The following FBXO11 variants were observed in gnomAD, a reference collection of about 807,000 sequenced individuals.
FBXO11 encodes the protein F-box only protein 11.
In FBXO11, 13 loss-of-function variants were observed where a neutral mutation model predicts 117.0. The observed-to-expected ratio is 0.11, with a 90% CI of 0.07 to 0.18. The LOEUF (loss-of-function observed/expected upper bound fraction) is 0.18. Ranked by LOEUF, FBXO11 falls within the 10% of genes least tolerant of loss-of-function variation. The pLI, the probability that FBXO11 is intolerant of heterozygous loss-of-function variation, is 1.00. For missense variants in FBXO11, 767 were observed against 1,164.4 expected (o/e 0.66, Z 4.97); for synonymous variants, 490 against 380.5 (o/e 1.29, Z -3.35).
chr2:47,879,975 C>T (rs1368698372), intron 1 of FBXO11, among the ~76,000 whole-genome samples: 3 of 151,566 alleles, frequency 2.0e-5, no homozygotes, highest in Non-Finnish European at 4.4e-5. Flanking sequence ...TATGTATATA[C>T]ATTTTCTTTA....
In FBXO11 at chr2:47,817,528, C is replaced by G. The variant is rs75367969; in HGVS notation, c.2006+1251G>C. Among the ~76,000 whole-genome samples the G allele has an allele frequency of 5.6e-4, 85 of 152,354 alleles. 1 individual carries two copies. The East Asian group carries it at 0.014, about 25-fold the overall frequency. ...TCCTTTGCATTCACAACTTAGCTAA[C>G]TGGACAAGAGGCCTAGCTTTTGGGC... is the stretch of plus-strand genomic sequence containing the variant. On this transcript the variant is annotated intron_variant, in intron 16 of 22. Transcript: ENST00000403359.
At chr2:47,899,051 G>A (rs1015495620) in intron 1 of FBXO11, among the ~76,000 whole-genome samples, 9 of 151,998 alleles carry the variant, frequency 5.9e-5, no homozygotes, top group African/African-American at 1.7e-4. Context: ...GAGGCGGGCG[G>A]ATCACGAGGT....
At chr2:47,820,544 T>C in intron 13 of FBXO11, 88 bp from the exon 14 acceptor site, 1 of 953,042 alleles carries the variant, frequency 1.0e-6, no homozygotes, top group Non-Finnish European at 1.6e-6. Flanking sequence ...TTAAAATTCT[T>C]ACACTAGAAT....
rs55762324 is a variant in FBXO11 at position 47,807,217 on chromosome 2, CA to C, written c.*900del. On this transcript the variant is annotated 3_prime_UTR_variant, in exon 23 of 23. Transcript: ENST00000403359. ...TTCCAGCAGTTTTGTCTAAACTGTT[CA>C]AAAAAAAACTATGAACAGAGTTCAA... The C allele has an allele frequency of 1.8e-4, 43 of 241,958 alleles. No individual in the cohort carries two copies. The highest frequency in any genetic ancestry group is 3.1e-4 in the East Asian group (5 of 16,210). The allele number at this position is 241,958 out of a possible 1,614,324, so 15.0% of individuals were successfully genotyped here. A position where few individuals can be genotyped will look rare whatever the true frequency, so the allele number is the denominator to read the frequency against.
At chr2:47,839,262 T>C (rs1325882824) in intron 3 of FBXO11, among the ~76,000 whole-genome samples, 157 bp downstream of exon 3, 1 of 152,202 alleles carries the variant, frequency 6.6e-6, no homozygotes, top group Admixed American at 6.5e-5. Flanking sequence ...ACAATAAAAG[T>C]CAGAGGGAGA....
intron 1 of FBXO11, among the ~76,000 whole-genome samples, chr2:47,896,931 A>C (rs6704872): frequency 0.15 from 22,214 of 152,094 alleles, 1,748 homozygotes; most frequent in Non-Finnish European, 0.18. Flanking sequence ...CTTCTTTGAT[A>C]TTTCTTCTTT....
chr2:47,825,410 C>A (rs576830504), intron 11 of FBXO11, among the ~76,000 whole-genome samples: 55 of 151,484 alleles, frequency 3.6e-4, no homozygotes, highest in African/African-American at 1.3e-3. Flanking sequence ...CAAAACTGAC[C>A]ATCAAAAAAA....
At chr2:47,870,906 G>A (rs1675575905) in intron 1 of FBXO11, among the ~76,000 whole-genome samples, 1 of 152,124 alleles carries the variant, frequency 6.6e-6, no homozygotes, top group Non-Finnish European at 1.5e-5. Flanking sequence ...ACTCTGAGAT[G>A]TCTAAAAATG....
intron 13 of FBXO11, 36 bp from the exon 14 acceptor site, chr2:47,820,492 T>A: frequency 6.6e-7 from 1 of 1,516,266 alleles, no homozygotes; most frequent in Non-Finnish European, 9.1e-7. Flanking sequence ...TCAACATTTG[T>A]GAGCCTAGAG....
chr2:47,816,329 G>A (rs967689990), intron 16 of FBXO11, among the ~76,000 whole-genome samples: 3 of 152,104 alleles, frequency 2.0e-5, no homozygotes, highest in Non-Finnish European at 4.4e-5. Flanking sequence ...ACAGGCGCAT[G>A]CCACCATGCC....
At chr2:47,809,550 C>T in intron 20 of FBXO11, 50 bp downstream of exon 20, 1 of 1,331,384 alleles carries the variant, frequency 7.5e-7, no homozygotes, top group Non-Finnish European at 1.1e-6. Flanking sequence ...TTCTGATTAT[C>T]TTTCATGGCA....
At chr2:47,854,915 C>G (rs766197575) in intron 1 of FBXO11, among the ~76,000 whole-genome samples, 6 of 149,572 alleles carry the variant, frequency 4.0e-5, no homozygotes, top group Admixed American at 1.3e-4. Context: ...TTCATCAAAC[C>G]TTTTATTAAG....
At chr2:47,887,217 G>A (rs1462302893) in intron 1 of FBXO11, among the ~76,000 whole-genome samples, 1 of 151,358 alleles carries the variant, frequency 6.6e-6, no homozygotes, top group Non-Finnish European at 1.5e-5. Context: ...CCCAGGAGGT[G>A]GAGGTTGCGG....
chr2:47,884,196 G>A (rs892845196), intron 1 of FBXO11, among the ~76,000 whole-genome samples: 3 of 152,182 alleles, frequency 2.0e-5, no homozygotes, highest in African/African-American at 7.2e-5. Flanking sequence ...TCCAGCCTGG[G>A]TGACAGAGCA....
chr2:47,874,498 CTAAG>C (rs1297788821), intron 1 of FBXO11, among the ~76,000 whole-genome samples: 3 of 151,810 alleles, frequency 2.0e-5, no homozygotes, highest in Admixed American at 1.3e-4. Context: ...CCTCTTTGTA[CTAAG>C]TAAGTTTAAC....
At chr2:47,899,230 C>T (rs1316662870) in intron 1 of FBXO11, among the ~76,000 whole-genome samples, 2 of 147,658 alleles carry the variant, frequency 1.4e-5, no homozygotes, top group Non-Finnish European at 3.0e-5. Context: ...GCCGAAATCG[C>T]GCCACTGTAC....
At chr2:47,837,077 T>G (rs1672638927) in intron 4 of FBXO11, 5 of 228,576 alleles carry the variant, frequency 2.2e-5, no homozygotes, top group Non-Finnish European at 4.5e-5. Context: ...TGAACTTAAT[T>G]TGTCCTATAT....
In FBXO11 at chr2:47,871,938, T is replaced by G. The variant is rs1675655404; in HGVS notation, c.233-32169A>C. 2.0e-5 allele frequency among the ~76,000 whole-genome samples: 3 copies of G among 152,362 alleles called. No homozygotes were observed. In the South Asian group the frequency reaches 6.2e-4, roughly 32 times the overall value. Reference sequence around the variant, plus strand: ...CCACATGTCATATATATTTTGATGTTTTTAATTTACAAGAGCTCATTTTTG... The same window carrying G: ...CCACATGTCATATATATTTTGATGTGTTTAATTTACAAGAGCTCATTTTTG... On this transcript the variant is annotated intron_variant, in intron 1 of 22. Transcript: ENST00000403359.
At chr2:47,838,596 A>T (rs1672773549) in intron 4 of FBXO11, among the ~76,000 whole-genome samples, 1 of 152,208 alleles carries the variant, frequency 6.6e-6, no homozygotes, top group Non-Finnish European at 1.5e-5. Flanking sequence ...TTATGTTTCT[A>T]AAAAGCTACT....
Sources: gnomAD v4.1 joint callset for allele counts (sites outside exome capture counted in the v4.1 genomes callset) on GRCh38, gnomAD v4.1.1 for gene constraint, MANE v1.5 for transcripts, NCBI Gene and HGNC (gene_info 2026-07-23, HGNC 2026-07-21) for gene names.